MSTO1: variants seen among roughly 807,000 people sequenced by gnomAD.
MSTO1 encodes misato mitochondrial distribution and morphology regulator 1.
A neutral mutation model predicts 55.7 loss-of-function variants in MSTO1; 24 were observed. The observed-to-expected ratio is 0.43, with a 90% CI of 0.31 to 0.61. MSTO1 has a LOEUF of 0.61. Among genes scored for constraint, MSTO1 ranks in the 20% least tolerant of loss-of-function variants. The pLI, the probability that MSTO1 is intolerant of heterozygous loss-of-function variation, is 0.09. For missense variants in MSTO1, 363 were observed against 625.7 expected (o/e 0.58, Z 4.48); for synonymous variants, 162 against 252.8 (o/e 0.64, Z 3.41).
the MSTO1 span, among the ~76,000 whole-genome samples, chr1:155,604,392 C>T: frequency 2.0e-5 from 3 of 152,260 alleles, no homozygotes; most frequent in East Asian, 1.9e-4. Flanking sequence ...CTGATTCTAA[C>T]GCAATTTAAA....
At chr1:155,590,754 G>C in the MSTO1 span, 3 of 1,603,040 alleles carry the variant, frequency 1.9e-6, no homozygotes, top group South Asian at 2.2e-5. Flanking sequence ...AAAGGCCTGA[G>C]GCCGCCCAGC....
At chr1:155,571,263 C>T in the MSTO1 span, among the ~76,000 whole-genome samples, 1 of 152,148 alleles carries the variant, frequency 6.6e-6, no homozygotes, top group Non-Finnish European at 1.5e-5. Flanking sequence ...TTGAATAGGG[C>T]CCAACACAAA....
the MSTO1 span, chr1:155,563,324 C>T: frequency 2.2e-6 from 1 of 455,546 alleles, no homozygotes; most frequent in Admixed American, 2.4e-5. Context: ...TAGTCCTCGA[C>T]TCACGGTGAG....
At chr1:155,581,868 A>G in the MSTO1 span, among the ~76,000 whole-genome samples, 84 of 150,246 alleles carry the variant, frequency 5.6e-4, 1 homozygote, top group Middle Eastern at 3.4e-3. Context: ...ATCTTGGCTC[A>G]CTACAACCTC....
At chr1:155,607,422 C>A (rs771548452), upstream of MSTO1, among the ~76,000 whole-genome samples, 7 of 152,190 alleles carry the variant, frequency 4.6e-5, no homozygotes, top group Non-Finnish European at 1.0e-4. Context: ...GATCCGCCTG[C>A]CTCGGCCTCC....
At chr1:155,578,092 A>G in the MSTO1 span, among the ~76,000 whole-genome samples, 124 of 152,218 alleles carry the variant, frequency 8.1e-4, 1 homozygote, top group Non-Finnish European at 2.9e-5. Flanking sequence ...GATAGTAGCA[A>G]TATTTTTTTA....
the MSTO1 span, among the ~76,000 whole-genome samples, chr1:155,600,128 C>G: frequency 1.3e-5 from 2 of 152,210 alleles, no homozygotes; most frequent in Admixed American, 6.5e-5. Context: ...TCCCTTCCCA[C>G]GAGGCCATAT....
At chr1:155,605,258 C>CTCAAA (rs569258075), upstream of MSTO1, among the ~76,000 whole-genome samples, 3,255 of 151,128 alleles carry the variant, frequency 0.022, 120 homozygotes, top group African/African-American at 0.075. Context: ...AAGACTCCAT[C>CTCAAA]ACAAAACAAA....
the MSTO1 span, among the ~76,000 whole-genome samples, chr1:155,572,267 G>A: frequency 6.6e-6 from 1 of 152,034 alleles, no homozygotes; most frequent in African/African-American, 2.4e-5. Flanking sequence ...CAACCAAAAT[G>A]CCTCCAAACA....
the MSTO1 span, chr1:155,590,569 T>C: frequency 2.7e-6 from 3 of 1,114,640 alleles, no homozygotes; most frequent in Non-Finnish European, 3.9e-6. Context: ...TGGATGGCTC[T>C]AGTGCCAGCG....
the MSTO1 span, among the ~76,000 whole-genome samples, chr1:155,568,377 CA>C: frequency 6.6e-6 from 1 of 151,104 alleles, no homozygotes; most frequent in Non-Finnish European, 1.5e-5. Context: ...CGCGCCCAGC[CA>C]AAAAAAATTT....
the MSTO1 span, among the ~76,000 whole-genome samples, chr1:155,581,132 TTTTTTAATTG>T: frequency 1.3e-5 from 2 of 152,138 alleles, no homozygotes; most frequent in Non-Finnish European, 2.9e-5. Context: ...TTTTATTTTG[TTTTTTAATTG>T]TTTTTAAGAG....
the MSTO1 span, among the ~76,000 whole-genome samples, chr1:155,578,336 C>CTTATTTTTTTTTTTT: frequency 2.3e-5 from 1 of 44,280 alleles, no homozygotes; most frequent in Non-Finnish European, 3.6e-5. Flanking sequence ...AACTACCTTT[C>CTTATTTTTTTTTTTT]TTTTTTTTTT....
At chr1:155,591,219 A>T in the MSTO1 span, 1 of 1,611,782 alleles carries the variant, frequency 6.2e-7, no homozygotes, top group Non-Finnish European at 8.5e-7. Flanking sequence ...CCAGCCCAGC[A>T]GTGTCAGGAC....
chr1:155,563,292 C>A, the MSTO1 span: 55 of 455,968 alleles, frequency 1.2e-4, no homozygotes, highest in South Asian at 7.1e-4. Flanking sequence ...GCGGTGTGTG[C>A]CGGTCGCCTA....
chr1:155,601,975 C>T, the MSTO1 span: 1 of 368,036 alleles, frequency 2.7e-6, no homozygotes, highest in South Asian at 2.3e-5. Context: ...AGGATGGTCT[C>T]GATCTCCTGA....
the MSTO1 span, among the ~76,000 whole-genome samples, chr1:155,584,275 C>T: frequency 1.3e-5 from 2 of 152,038 alleles, no homozygotes; most frequent in South Asian, 4.1e-4. Context: ...GGGAGGATCG[C>T]TTGAATACGG....
the MSTO1 span, among the ~76,000 whole-genome samples, chr1:155,586,380 G>A: frequency 2.0e-5 from 3 of 151,546 alleles, no homozygotes; most frequent in African/African-American, 7.3e-5. Context: ...GGCTTCAAAT[G>A]GTATCTCATT....
At chr1:155,591,942 C>CA in the MSTO1 span, among the ~76,000 whole-genome samples, 19 of 150,784 alleles carry the variant, frequency 1.3e-4, no homozygotes, top group African/African-American at 2.7e-4. Context: ...CACCCTATGT[C>CA]AAAAAAAAAG....
Sources: gnomAD v4.1 joint callset for allele counts (sites outside exome capture counted in the v4.1 genomes callset) on GRCh38, gnomAD v4.1.1 for gene constraint, MANE v1.5 for transcripts, NCBI Gene and HGNC (gene_info 2026-07-23, HGNC 2026-07-21) for gene names.